The following GMDS variants were observed in gnomAD, a reference collection of about 807,000 sequenced individuals.
GMDS encodes the protein GDP-mannose 4,6 dehydratase.
Under a neutral mutation model 49.9 loss-of-function variants are expected in GMDS, and 20 were observed. That is an observed-to-expected ratio of 0.40 (90% CI 0.28 to 0.58). The LOEUF (loss-of-function observed/expected upper bound fraction) is 0.58, where lower values mean the gene tolerates loss of function less well. GMDS is among the 20% of genes least tolerant of loss of function. The probability of loss-of-function intolerance (pLI) is 0.42; values close to 1 mark genes in which losing one functional copy is unlikely to be tolerated. For synonymous variants in GMDS, 177 were observed against 178.6 expected (o/e 0.99, Z 0.07); for missense variants, 362 against 481.4 (o/e 0.75, Z 2.32).
chr6:2,226,117 T>C (rs903045016), intron 1 of GMDS, among the ~76,000 whole-genome samples: 5 of 152,036 alleles, frequency 3.3e-5, no homozygotes, highest in Non-Finnish European at 7.4e-5. Context: ...ACACTAGAGG[T>C]AGTTTCTGCT....
chr6:2,046,474 T>G (rs900214851), intron 4 of GMDS, among the ~76,000 whole-genome samples: 1 of 152,190 alleles, frequency 6.6e-6, no homozygotes, highest in Admixed American at 6.5e-5. Context: ...TTTTTTCTTT[T>G]TTGGACACAG....
chr6:2,020,511 C>T (rs947961413), intron 4 of GMDS, among the ~76,000 whole-genome samples: 5 of 151,960 alleles, frequency 3.3e-5, no homozygotes, highest in Admixed American at 2.6e-4. Flanking sequence ...TTTATGGAAA[C>T]GGAGTTTTAG....
intron 4 of GMDS, among the ~76,000 whole-genome samples, chr6:1,974,787 T>A (rs938724772): frequency 2.0e-5 from 3 of 151,566 alleles, no homozygotes; most frequent in Non-Finnish European, 4.4e-5. Flanking sequence ...TCCCAGCACT[T>A]TGGGAGGCCG....
intron 9 of GMDS, among the ~76,000 whole-genome samples, chr6:1,651,420 T>C (rs551446161): frequency 8.5e-5 from 13 of 152,112 alleles, no homozygotes; most frequent in Admixed American, 5.2e-4. Context: ...GGAAGGGAGG[T>C]AGATGTTCTC....
chr6:1,863,089 G>C (rs1758271151), intron 7 of GMDS, among the ~76,000 whole-genome samples: 1 of 152,056 alleles, frequency 6.6e-6, no homozygotes, highest in Non-Finnish European at 1.5e-5. Context: ...TAGTAACTCT[G>C]ATTTTAAACA....
chr6:1,991,331 C>T (rs2127363456), intron 4 of GMDS, among the ~76,000 whole-genome samples: 1 of 152,194 alleles, frequency 6.6e-6, no homozygotes, highest in African/African-American at 2.4e-5. Context: ...TGCTCAAGGG[C>T]CCCCCTAAAA....
Position 2,097,008 on chromosome 6 carries a change from G to A in GMDS, c.345+18763C>T, listed in dbSNP as rs573383496. ...GTCACTAAAGACAGATATATAATAT[G>A]TATATATACTAACAGACAATGTGAA... On this transcript the variant is annotated intron_variant, in intron 4 of 10. Coordinates refer to ENST00000380815, the MANE Select transcript of GMDS (RefSeq NM_001500.4). Among the ~76,000 whole-genome samples the A allele has an allele frequency of 4.8e-3, 731 of 151,898 alleles. 2 individuals are homozygous for A. Among genetic ancestry groups the A allele is most frequent in the Middle Eastern group, 0.01 (3 of 292 alleles).
At chr6:2,179,719 C>T (rs1213354641) in intron 1 of GMDS, among the ~76,000 whole-genome samples, 2 of 152,176 alleles carry the variant, frequency 1.3e-5, no homozygotes, top group Non-Finnish European at 2.9e-5. Context: ...GATTAAGATA[C>T]TGCCAAAGTA....
chr6:1,684,489 C>T (rs528339588), intron 9 of GMDS, among the ~76,000 whole-genome samples: 11 of 152,236 alleles, frequency 7.2e-5, no homozygotes, highest in East Asian at 1.9e-4. Flanking sequence ...TGCATCCACA[C>T]GAACGAAGAC....
At chr6:2,080,476 C>A (rs1772623334) in intron 4 of GMDS, among the ~76,000 whole-genome samples, 1 of 152,096 alleles carries the variant, frequency 6.6e-6, no homozygotes, top group Admixed American at 6.5e-5. Flanking sequence ...CAGGGGAGGG[C>A]ATTGTTTTGA....
chr6:1,641,639 C>T (rs1763333612), intron 9 of GMDS, among the ~76,000 whole-genome samples: 3 of 152,266 alleles, frequency 2.0e-5, no homozygotes, highest in South Asian at 4.2e-4. Flanking sequence ...AGGAGCGCTC[C>T]ATTCTGCTGC....
At chr6:1,670,535 A>C (rs1215044815) in intron 9 of GMDS, among the ~76,000 whole-genome samples, 5 of 152,016 alleles carry the variant, frequency 3.3e-5, no homozygotes, top group Non-Finnish European at 7.4e-5. Flanking sequence ...GATATGTAAA[A>C]GAAATTGGCT....
At chr6:1,957,232 A>G (rs1763688176) in intron 6 of GMDS, among the ~76,000 whole-genome samples, 2 of 152,228 alleles carry the variant, frequency 1.3e-5, no homozygotes, top group Non-Finnish European at 2.9e-5. Flanking sequence ...TTCCTGAAAC[A>G]TGAGATATTA....
intron 7 of GMDS, 59 bp from the exon 8 acceptor site, chr6:1,742,645 T>C: frequency 1.1e-6 from 1 of 874,378 alleles, no homozygotes; most frequent in Non-Finnish European, 1.9e-6. Flanking sequence ...ACACATTGTT[T>C]TCCAGTGCAC....
At chr6:1,986,083 T>G (rs1765527768) in intron 4 of GMDS, among the ~76,000 whole-genome samples, 1 of 152,248 alleles carries the variant, frequency 6.6e-6, no homozygotes, top group Admixed American at 6.5e-5. Context: ...ATTTTAAGTT[T>G]CAACATTTCT....
intron 7 of GMDS, among the ~76,000 whole-genome samples, chr6:1,774,916 A>G (rs1265678421): frequency 3.3e-5 from 5 of 152,232 alleles, no homozygotes; most frequent in Non-Finnish European, 7.4e-5. Flanking sequence ...CAGGCTGACT[A>G]GCGAGGAATG....
chr6:1,713,203 A>G (rs926891475), intron 9 of GMDS, among the ~76,000 whole-genome samples: 18 of 152,236 alleles, frequency 1.2e-4, no homozygotes, highest in African/African-American at 4.1e-4. Context: ...TAGCCTTTTC[A>G]TAAGTATGCC....
At chr6:2,059,175 C>CAAAAAA (rs55832305) in intron 4 of GMDS, among the ~76,000 whole-genome samples, 2 of 30,016 alleles carry the variant, frequency 6.7e-5, no homozygotes, top group African/African-American at 1.3e-4. Flanking sequence ...TCCTCTGTCT[C>CAAAAAA]AAAAAAAAAA....
intron 4 of GMDS, among the ~76,000 whole-genome samples, chr6:2,059,558 A>C (rs1399431392): frequency 1.4e-5 from 2 of 147,520 alleles, no homozygotes; most frequent in African/African-American, 2.5e-5. Context: ...AATACAAAAA[A>C]TTAGCCGGGC....
Sources: allele counts gnomAD v4.1 joint callset (sites outside exome capture counted in the v4.1 genomes callset), GRCh38; gene constraint gnomAD v4.1.1; transcripts MANE v1.5; gene names NCBI Gene and HGNC (gene_info 2026-07-23, HGNC 2026-07-21).